The following NR6A1 variants were observed in gnomAD, a reference collection of about 807,000 sequenced individuals.
The protein encoded by NR6A1 is retinoic acid receptor-related testis-associated receptor.
NR6A1 carries 7 observed loss-of-function variants against 59.1 expected under a neutral mutation model. The observed-to-expected ratio is 0.12, with a 90% CI of 0.07 to 0.22. The LOEUF is 0.22. NR6A1 is among the 10% of genes least tolerant of loss of function. NR6A1 has a pLI of 1.00. For missense variants in NR6A1, 468 were observed against 611.6 expected (o/e 0.77, Z 2.48); for synonymous variants, 243 against 236.1 (o/e 1.03, Z -0.27).
At chr9:124,697,709 G>C (rs945838957) in intron 2 of NR6A1, among the ~76,000 whole-genome samples, 2 of 151,884 alleles carry the variant, frequency 1.3e-5, no homozygotes, top group African/African-American at 4.8e-5. Context: ...TAATAGTTTT[G>C]GAAAGAACAA....
In NR6A1 at chr9:124,538,708, T is replaced by TG. The variant is rs571046767; in HGVS notation, c.597-390_597-389insC. On this transcript the variant is annotated intron_variant, in intron 5 of 9. Transcript: ENST00000487099. ...AAAACTAAGGCACAGACAGGCTAAG[T>TG]CCTGGCTAGGCCACAAAACAAATCC... Among the ~76,000 whole-genome samples, 90 of 152,260 alleles carry TG rather than the reference T, an allele frequency of 5.9e-4. 1 individual carries two copies. In the South Asian group the frequency reaches 0.018, roughly 31 times the overall value.
intron 3 of NR6A1, among the ~76,000 whole-genome samples, chr9:124,553,810 C>T (rs1042756732): frequency 1.4e-4 from 21 of 151,830 alleles, no homozygotes; most frequent in Non-Finnish European, 2.1e-4. Flanking sequence ...CCAAAACAGC[C>T]CTTCATATTC....
intron 2 of NR6A1, among the ~76,000 whole-genome samples, chr9:124,606,574 C>G (rs1010497553): frequency 2.2e-4 from 33 of 152,312 alleles, no homozygotes; most frequent in African/African-American, 7.5e-4. Context: ...CAAATAGCAA[C>G]TATACAACAT....
chr9:124,548,627 T>A (rs528331212), intron 3 of NR6A1, among the ~76,000 whole-genome samples: 1 of 152,356 alleles, frequency 6.6e-6, no homozygotes, highest in South Asian at 2.1e-4. Context: ...CAGTGCTTCA[T>A]GCAGACCTCT....
intron 1 of NR6A1, among the ~76,000 whole-genome samples, chr9:124,735,620 G>A (rs1467419308): frequency 3.3e-5 from 5 of 152,228 alleles, no homozygotes; most frequent in Non-Finnish European, 5.9e-5. Context: ...TTTAGAAGCT[G>A]CTTAAAGTGG....
chr9:124,535,385 C>A (rs2131343744), intron 7 of NR6A1, among the ~76,000 whole-genome samples: 1 of 152,206 alleles, frequency 6.6e-6, no homozygotes, highest in Middle Eastern at 3.4e-3. Context: ...TGAGACCAGT[C>A]TCGCCAACAT....
At chr9:124,539,470 T>C (rs539414186) in intron 5 of NR6A1, among the ~76,000 whole-genome samples, 34 of 152,188 alleles carry the variant, frequency 2.2e-4, no homozygotes, top group Non-Finnish European at 4.6e-4. Context: ...TCAATCCATA[T>C]CCTATAAGAA....
chr9:124,704,652 T>TATAA (rs1360875128), intron 2 of NR6A1, among the ~76,000 whole-genome samples: 1 of 152,212 alleles, frequency 6.6e-6, no homozygotes, highest in Non-Finnish European at 1.5e-5. Context: ...ATCCAGGCAT[T>TATAA]ATAAAAGCTG....
chr9:124,724,080 T>A (rs1351271520), intron 2 of NR6A1, among the ~76,000 whole-genome samples: 1 of 152,240 alleles, frequency 6.6e-6, no homozygotes, highest in African/African-American at 2.4e-5. Context: ...ATTTACTTAT[T>A]TAATGAAATA....
intron 2 of NR6A1, among the ~76,000 whole-genome samples, chr9:124,645,861 C>A (rs1334691785): frequency 2.6e-5 from 4 of 152,134 alleles, no homozygotes; most frequent in Non-Finnish European, 5.9e-5. Flanking sequence ...CCAAAACAGA[C>A]CACATTCTGG....
At chr9:124,703,385 T>C (rs2131053255) in intron 2 of NR6A1, among the ~76,000 whole-genome samples, 1 of 150,300 alleles carries the variant, frequency 6.7e-6, no homozygotes, top group South Asian at 2.1e-4. Flanking sequence ...GGGTTTTTTT[T>C]TTCTTTTCTT....
At chr9:124,530,747 A>G (rs1364476850) in intron 7 of NR6A1, among the ~76,000 whole-genome samples, 4 of 152,244 alleles carry the variant, frequency 2.6e-5, no homozygotes, top group Non-Finnish European at 4.4e-5. Context: ...GCACCCATGT[A>G]AAGACTCCAA....
intron 1 of NR6A1, among the ~76,000 whole-genome samples, chr9:124,739,320 A>G (rs1253047343): frequency 6.6e-6 from 1 of 152,198 alleles, no homozygotes; most frequent in Non-Finnish European, 1.5e-5. Flanking sequence ...TAACCATCAC[A>G]TTCAATTGTC....
In NR6A1 at chr9:124,517,914, T is replaced by C. The variant is rs1404967173; in HGVS notation, c.*4791A>G. On this transcript the variant is annotated 3_prime_UTR_variant, in exon 10 of 10. Transcript: ENST00000487099. The stretch of plus-strand genomic sequence containing the variant: ...GCTACAGTATTCTTTTCCCACAGGA[T>C]TCCTCAGAGAGGAATCGACCAGGAT... The C allele has an allele frequency of 6.6e-6, 1 of 151,942 alleles. No individual in the cohort carries two copies. The highest frequency in any genetic ancestry group is 1.5e-5 in the Non-Finnish European group (1 of 68,008). 9.4% of individuals were successfully genotyped at this position (151,942 alleles called of 1,614,324 possible). A position where few individuals can be genotyped will look rare whatever the true frequency, so the allele number is the denominator to read the frequency against.
At chr9:124,767,522 A>G (rs7048425) in intron 1 of NR6A1, among the ~76,000 whole-genome samples, 3,548 of 152,052 alleles carry the variant, frequency 0.023, 112 homozygotes, top group East Asian at 0.096. Context: ...AGAAAAAAAA[A>G]AAAAAAAGAA....
chr9:124,763,982 G>A (rs1175989392), intron 1 of NR6A1, among the ~76,000 whole-genome samples: 3 of 152,020 alleles, frequency 2.0e-5, no homozygotes, highest in South Asian at 4.1e-4. Context: ...TCAGGAGTTC[G>A]AAACCAGCCT....
intron 2 of NR6A1, among the ~76,000 whole-genome samples, chr9:124,727,806 T>C (rs1362099994): frequency 3.3e-5 from 5 of 151,740 alleles, no homozygotes; most frequent in Non-Finnish European, 7.4e-5. Flanking sequence ...TGCCTCAGCC[T>C]CCCAAGTAAC....
chr9:124,641,241 C>T (rs570768077), intron 2 of NR6A1, among the ~76,000 whole-genome samples: 1 of 151,966 alleles, frequency 6.6e-6, no homozygotes, highest in East Asian at 1.9e-4. Context: ...TGCCTGTAAT[C>T]CCAGCTACTT....
Position 124,733,351 on chromosome 9 carries a change from TA to T in NR6A1, c.101-3del. On this transcript the variant is annotated splice_region_variant and splice_polypyrimidine_tract_variant and intron_variant, in intron 1 of 9. Coordinates refer to ENST00000487099, the MANE Select transcript of NR6A1 (RefSeq NM_033334.4). ...CTGCCAATTCATCCTGACAGAAACC[TA>T]AAGAGAAAACAATAGGAAAAAAAAT... is the stretch of plus-strand genomic sequence containing the variant. The T allele has an allele frequency of 6.2e-7, 1 of 1,611,552 alleles. No individual in the cohort carries two copies. Among genetic ancestry groups the T allele is most frequent in the Non-Finnish European group, 8.5e-7 (1 of 1,177,954 alleles).
Sources: gnomAD v4.1 joint callset for allele counts (sites outside exome capture counted in the v4.1 genomes callset) on GRCh38, gnomAD v4.1.1 for gene constraint, MANE v1.5 for transcripts, NCBI Gene and HGNC (gene_info 2026-07-23, HGNC 2026-07-21) for gene names.